CDH4: variants seen among roughly 807,000 people sequenced by gnomAD.
CDH4 encodes cadherin 4, also known as cadherin-4.
Under a neutral mutation model 86.0 loss-of-function variants are expected in CDH4, and 33 were observed. That is an observed-to-expected ratio of 0.38 (90% confidence interval 0.29 to 0.51). The LOEUF is 0.51. Among genes scored for constraint, CDH4 ranks in the 20% least tolerant of loss-of-function variants. The pLI, the probability that CDH4 is intolerant of heterozygous loss-of-function variation, is 0.86. For synonymous variants in CDH4, 555 were observed against 549.4 expected (o/e 1.01, Z -0.14); for missense variants, 1,114 against 1,307.4 (o/e 0.85, Z 2.28).
chr20:61,662,265 C>T (rs1184615087), intron 2 of CDH4, among the ~76,000 whole-genome samples: 4 of 152,178 alleles, frequency 2.6e-5, no homozygotes, highest in Non-Finnish European at 4.4e-5. Flanking sequence ...GGTGAGAGCG[C>T]GTGGGAATGG....
intron 2 of CDH4, among the ~76,000 whole-genome samples, chr20:61,298,787 G>T (rs904221370): frequency 2.1e-5 from 3 of 144,336 alleles, no homozygotes; most frequent in African/African-American, 7.6e-5. Flanking sequence ...CTGCGAAGGG[G>T]TCTGAAATGT....
chr20:61,396,597 C>T (rs541449032), intron 2 of CDH4, among the ~76,000 whole-genome samples: 1 of 152,352 alleles, frequency 6.6e-6, no homozygotes, highest in African/African-American at 2.4e-5. Context: ...GGGGAGCATC[C>T]TGAGACCAGC....
chr20:61,642,892 A>C (rs1400368714), intron 2 of CDH4, among the ~76,000 whole-genome samples: 5 of 151,936 alleles, frequency 3.3e-5, no homozygotes, highest in Non-Finnish European at 1.5e-5. Context: ...TCCTACTCTG[A>C]TTTTCCTGCC....
At chr20:61,437,714 T>G (rs1230979480) in intron 2 of CDH4, among the ~76,000 whole-genome samples, 1 of 152,188 alleles carries the variant, frequency 6.6e-6, no homozygotes, top group East Asian at 1.9e-4. Flanking sequence ...TCTGGGTCCA[T>G]TGTACTCCAC....
At chr20:61,873,966 C>T in intron 7 of CDH4, 66 bp downstream of exon 7, 1 of 1,557,282 alleles carries the variant, frequency 6.4e-7, no homozygotes, top group East Asian at 2.2e-5. Context: ...ACCCACAGGA[C>T]CCTCGGGGAG....
At chr20:61,339,453 G>C (rs1429097919) in intron 2 of CDH4, among the ~76,000 whole-genome samples, 1 of 148,296 alleles carries the variant, frequency 6.7e-6, no homozygotes, top group Non-Finnish European at 1.5e-5. Flanking sequence ...TTGCACATGT[G>C]CGTGCATGTG....
At chr20:61,932,574 A>C (rs372717557) in intron 13 of CDH4, among the ~76,000 whole-genome samples, 48 of 109,830 alleles carry the variant, frequency 4.4e-4, no homozygotes, top group African/African-American at 1.4e-3. Flanking sequence ...TGAACACACG[A>C]GCACACACAC....
rs952837066 is a variant in CDH4 at position 61,736,773 on chromosome 20, G to A, written c.170-6790G>A. Among the ~76,000 whole-genome samples, 5 of 152,250 alleles carry A rather than the reference G, an allele frequency of 3.3e-5. No individual in the cohort carries two copies. In the South Asian group the frequency reaches 1.0e-3, roughly 32 times the overall value. On this transcript the variant is annotated intron_variant, in intron 2 of 15. Transcript: ENST00000614565. ...GGGGAGCAGAATTGGCATGAGTCCT[G>A]GGAGATGGAGCCATCATGAGGTCAC... is the stretch of plus-strand genomic sequence containing the variant.
intron 2 of CDH4, among the ~76,000 whole-genome samples, chr20:61,449,098 C>T (rs1219451103): frequency 6.6e-6 from 1 of 152,172 alleles, no homozygotes; most frequent in Non-Finnish European, 1.5e-5. Context: ...ATGGCACCTG[C>T]CCACTGTGTG....
intron 4 of CDH4, among the ~76,000 whole-genome samples, chr20:61,793,502 C>T (rs750893823): frequency 1.8e-4 from 28 of 152,122 alleles, no homozygotes; most frequent in Non-Finnish European, 3.1e-4. Context: ...AAGCGGCCCC[C>T]GAGGTCAGGG....
chr20:61,862,878 G>T (rs1983390102), intron 6 of CDH4, among the ~76,000 whole-genome samples: 1 of 152,182 alleles, frequency 6.6e-6, no homozygotes, highest in South Asian at 2.1e-4. Context: ...TGAAGTCAAA[G>T]AGACCTTCAT....
chr20:61,547,811 A>G (rs1467151069), intron 2 of CDH4, among the ~76,000 whole-genome samples: 1 of 152,188 alleles, frequency 6.6e-6, no homozygotes, highest in Non-Finnish European at 1.5e-5. Flanking sequence ...ATGCATGGAC[A>G]TGTGTGCATG....
chr20:61,342,955 C>G (rs1346498499), intron 2 of CDH4, among the ~76,000 whole-genome samples: 1 of 152,218 alleles, frequency 6.6e-6, no homozygotes, highest in Non-Finnish European at 1.5e-5. Flanking sequence ...GTAACATGAG[C>G]AACTGAAGCC....
intron 2 of CDH4, among the ~76,000 whole-genome samples, chr20:61,275,591 TGCGCA>T (rs2084226677): frequency 8.0e-6 from 1 of 124,734 alleles, no homozygotes; most frequent in African/African-American, 3.2e-5. Context: ...GGGAGTACCA[TGCGCA>T]GTTTGGGAGA....
At chr20:61,626,966 G>A (rs1323186545) in intron 2 of CDH4, among the ~76,000 whole-genome samples, 1 of 152,140 alleles carries the variant, frequency 6.6e-6, no homozygotes, top group Non-Finnish European at 1.5e-5. Context: ...TCCTGTAGGA[G>A]GGCGGACCCT....
intron 3 of CDH4, among the ~76,000 whole-genome samples, chr20:61,762,672 A>T (rs1419975724): frequency 1.3e-5 from 2 of 152,234 alleles, no homozygotes; most frequent in Non-Finnish European, 2.9e-5. Context: ...GTTCCTTGAC[A>T]CTGGGTCTAG....
At chr20:61,405,178 C>T (rs1370451154) in intron 2 of CDH4, among the ~76,000 whole-genome samples, 1 of 152,076 alleles carries the variant, frequency 6.6e-6, no homozygotes, top group East Asian at 1.9e-4. Context: ...TCCTTTCGAC[C>T]CTGCCTCCCT....
At chr20:61,832,391 GAGTA>G (rs1981665054) in intron 4 of CDH4, among the ~76,000 whole-genome samples, 1 of 152,348 alleles carries the variant, frequency 6.6e-6, no homozygotes, top group African/African-American at 2.4e-5. Flanking sequence ...TTGTGGTGAT[GAGTA>G]AGTGAGTGGA....
chr20:61,410,415 A>G (rs756596513), intron 2 of CDH4, among the ~76,000 whole-genome samples: 1 of 138,324 alleles, frequency 7.2e-6, no homozygotes. Context: ...CTACACATCC[A>G]TCCATCTTCC....
Sources: gnomAD v4.1 joint callset for allele counts (sites outside exome capture counted in the v4.1 genomes callset) on GRCh38, gnomAD v4.1.1 for gene constraint, MANE v1.5 for transcripts, NCBI Gene and HGNC (gene_info 2026-07-23, HGNC 2026-07-21) for gene names.